NRP1: variants seen among roughly 807,000 people sequenced by gnomAD.
NRP1 encodes neuropilin-1.
In NRP1, 35 loss-of-function variants were observed where a neutral mutation model predicts 106.7. That is an observed-to-expected ratio of 0.33 (90% CI 0.25 to 0.43). The LOEUF (loss-of-function observed/expected upper bound fraction) is 0.43. NRP1 is among the 20% of genes least tolerant of loss of function. The probability of loss-of-function intolerance (pLI) is 1.00; values close to 1 mark genes in which losing one functional copy is unlikely to be tolerated. For synonymous variants in NRP1, 437 were observed against 417.9 expected (o/e 1.05, Z -0.56); for missense variants, 1,024 against 1,170.4 (o/e 0.87, Z 1.83).
intron 13 of NRP1, among the ~76,000 whole-genome samples, chr10:33,187,399 C>T (rs573296496): frequency 1.4e-4 from 21 of 151,876 alleles, no homozygotes; most frequent in African/African-American, 3.9e-4. Flanking sequence ...GATTATTTTT[C>T]CCGTAGTTTG....
intron 13 of NRP1, among the ~76,000 whole-genome samples, chr10:33,191,354 G>A (rs563708129): frequency 2.6e-5 from 4 of 152,276 alleles, no homozygotes; most frequent in Admixed American, 2.0e-4. Context: ...GGCATGGTGA[G>A]GTTTCTACCT....
At chr10:33,203,309 G>A (rs966169586) in intron 10 of NRP1, among the ~76,000 whole-genome samples, 1 of 152,148 alleles carries the variant, frequency 6.6e-6, no homozygotes, top group Non-Finnish European at 1.5e-5. Context: ...ATTTATTCAG[G>A]ACCCTGGAGT....
intron 9 of NRP1, chr10:33,212,460 G>A (rs962688353): frequency 2.0e-5 from 3 of 152,222 alleles, no homozygotes; most frequent in African/African-American, 7.2e-5. Flanking sequence ...TCCCTAAAAT[G>A]GTTGAATTCA....
intron 11 of NRP1, among the ~76,000 whole-genome samples, chr10:33,199,389 A>ATATATATATTT (rs1564372890): frequency 2.7e-5 from 1 of 36,840 alleles, no homozygotes; most frequent in Non-Finnish European, 4.5e-5. Context: ...ATATATATAT[A>ATATATATATTT]TTTTTTTTTT....
intron 2 of NRP1, among the ~76,000 whole-genome samples, chr10:33,301,856 G>T (rs796355457): frequency 1.5e-4 from 23 of 152,224 alleles, no homozygotes; most frequent in African/African-American, 5.3e-4. Flanking sequence ...AATAAGTGTA[G>T]AAAGAACATA....
At chr10:33,262,894 G>C (rs1403259881) in intron 4 of NRP1, among the ~76,000 whole-genome samples, 1 of 152,070 alleles carries the variant, frequency 6.6e-6, no homozygotes, top group East Asian at 1.9e-4. Flanking sequence ...AACGTGCATT[G>C]TTTATTGTTT....
At chr10:33,264,347 C>T (rs768104452) in intron 3 of NRP1, among the ~76,000 whole-genome samples, 3 of 152,180 alleles carry the variant, frequency 2.0e-5, no homozygotes, top group Non-Finnish European at 4.4e-5. Context: ...AGTAACTCTG[C>T]CAGATGTGAC....
At chr10:33,269,408 C>G (rs760528143) in intron 3 of NRP1, among the ~76,000 whole-genome samples, 1 of 152,218 alleles carries the variant, frequency 6.6e-6, no homozygotes, top group Non-Finnish European at 1.5e-5. Context: ...GCCCTCCCAC[C>G]TCAACCTCCT....
rs1836488956 is a variant in NRP1, at chr10:33,192,511, A to G, written c.1925-93T>C. ...AAAGGCCCTTGGTTCACTCATGGAA[A>G]GCACGATTTATACAACTTTATGTCT... On this transcript the variant is annotated intron_variant, in intron 12 of 16. Coordinates refer to ENST00000374867, the MANE Select transcript of NRP1 (RefSeq NM_003873.7). 1.2e-5 allele frequency: 16 copies of G among 1,326,470 alleles called. No homozygotes were observed. In the South Asian group the frequency reaches 1.7e-4, roughly 14 times the overall value. The allele number at this position is 1,326,470 out of a possible 1,614,324, so 82.2% of individuals were successfully genotyped here. A position where few individuals can be genotyped will look rare whatever the true frequency, so the allele number is the denominator to read the frequency against.
chr10:33,246,591 C>CACAA (rs771642028), intron 6 of NRP1, among the ~76,000 whole-genome samples: 73 of 151,836 alleles, frequency 4.8e-4, no homozygotes, highest in Non-Finnish European at 9.1e-4. Context: ...TAAACACACA[C>CACAA]ACACACACAC....
rs138649417 is a variant in NRP1 at position 33,191,888 on chromosome 10, G to A, written c.2062+393C>T. On this transcript the variant is annotated intron_variant, in intron 13 of 16. Coordinates refer to ENST00000374867, the MANE Select transcript of NRP1 (RefSeq NM_003873.7). ...AGGTACTTGGGAGGCTGAGGCAAGA[G>A]AATCGTGTGAAGCCAGGAGGCGGAG... is the stretch of plus-strand genomic sequence containing the variant. Among the ~76,000 whole-genome samples, 86 of 146,816 alleles carry A rather than the reference G, an allele frequency of 5.9e-4. No homozygotes were observed. In the East Asian group the frequency reaches 0.017, roughly 29 times the overall value.
intron 3 of NRP1, among the ~76,000 whole-genome samples, chr10:33,266,949 G>A (rs779148196): frequency 6.6e-6 from 1 of 152,048 alleles, no homozygotes; most frequent in African/African-American, 2.4e-5. Flanking sequence ...GGAGAATGGC[G>A]TGAACCCGGG....
At chr10:33,323,587 AC>A (rs1232439411) in intron 2 of NRP1, among the ~76,000 whole-genome samples, 1 of 152,290 alleles carries the variant, frequency 6.6e-6, no homozygotes, top group East Asian at 1.9e-4. Flanking sequence ...AGGCCAATCA[AC>A]CAGAGAAGAG....
At chr10:33,189,005 T>C (rs576164718) in intron 13 of NRP1, among the ~76,000 whole-genome samples, 35 of 150,344 alleles carry the variant, frequency 2.3e-4, no homozygotes, top group Non-Finnish European at 4.4e-4. Flanking sequence ...CTGCAGCCTA[T>C]CCACACTTCT....
At position 33,178,486 on chromosome 10, in the gene NRP1, T is replaced by TC. The variant is rs397945276; in HGVS notation, c.*1589_*1590insG. The TC allele has an allele frequency of 6.6e-6, 1 of 152,056 alleles. No homozygotes were observed. The highest frequency in any genetic ancestry group is 2.4e-5 in the African/African-American group (1 of 41,356). 9.4% of individuals were successfully genotyped at this position (152,056 alleles called of 1,614,324 possible). The stretch of plus-strand genomic sequence containing the variant: ...GTTATGAATTTTTAAAACATTTGTT[T>TC]GACTTTATGTGTTTTTCCCCCTCTT... On this transcript the variant is annotated 3_prime_UTR_variant, in exon 17 of 17. Coordinates refer to ENST00000374867, the MANE Select transcript of NRP1 (RefSeq NM_003873.7).
intron 3 of NRP1, among the ~76,000 whole-genome samples, chr10:33,267,312 G>A (rs1286837703): frequency 6.6e-6 from 1 of 152,180 alleles, no homozygotes; most frequent in Non-Finnish European, 1.5e-5. Flanking sequence ...CACAGGAGAT[G>A]AGCAGGAGTG....
At chr10:33,283,658 A>G (rs1399385577) in intron 2 of NRP1, among the ~76,000 whole-genome samples, 1 of 152,224 alleles carries the variant, frequency 6.6e-6, no homozygotes, top group African/African-American at 2.4e-5. Context: ...TAGACTAATG[A>G]ATTGGTGTAC....
intron 10 of NRP1, among the ~76,000 whole-genome samples, chr10:33,204,840 T>C (rs1350238836): frequency 1.3e-5 from 2 of 152,122 alleles, no homozygotes; most frequent in East Asian, 3.9e-4. Context: ...CAAGAGATTC[T>C]CCTGCCTCAG....
At chr10:33,198,125 CT>C (rs893724988) in intron 11 of NRP1, among the ~76,000 whole-genome samples, 1 of 112,260 alleles carries the variant, frequency 8.9e-6, no homozygotes, top group Non-Finnish European at 1.8e-5. Flanking sequence ...TAGCAATTTT[CT>C]TTTTTTTAAA....
Sources: gnomAD v4.1 joint callset for allele counts (sites outside exome capture counted in the v4.1 genomes callset) on GRCh38, gnomAD v4.1.1 for gene constraint, MANE v1.5 for transcripts, NCBI Gene and HGNC (gene_info 2026-07-23, HGNC 2026-07-21) for gene names.